ARMH4: variants seen among roughly 807,000 people sequenced by gnomAD.
ARMH4 encodes armadillo-like helical domain-containing protein 4.
Under a neutral mutation model 61.9 loss-of-function variants are expected in ARMH4, and 49 were observed. The observed-to-expected ratio is 0.79, with a 90% CI of 0.63 to 1.00. The LOEUF is 1.00. ARMH4 is among the 50% of genes least tolerant of loss of function. The pLI is 0.00. For synonymous variants in ARMH4, 368 were observed against 341.5 expected, an observed-to-expected ratio of 1.08 and a Z score of -0.85; for missense variants, 934 against 930.0, an observed-to-expected ratio of 1.00 and a Z score of -0.06.
At chr14:58,116,379 TTAAA>T (rs1199174563) in intron 4 of ARMH4, 3 of 376,770 alleles carry the variant, frequency 8.0e-6, no homozygotes, top group Non-Finnish European at 1.7e-5. Flanking sequence ...AGGCAGCTGT[TTAAA>T]TATTTTCTTG....
intron 4 of ARMH4, among the ~76,000 whole-genome samples, chr14:58,105,689 GAA>G (rs1373693311): frequency 9.9e-5 from 9 of 91,254 alleles, no homozygotes; most frequent in African/African-American, 8.0e-5. Context: ...TCCATCTCAA[GAA>G]AAAAAAAAAA....
rs1214173610 is a variant in ARMH4 at position 58,035,983 on chromosome 14, T to G, written c.2090-23833A>C. Among the ~76,000 whole-genome samples the G allele has an allele frequency of 6.2e-5, 8 of 130,034 alleles. 1 individual carries two copies. Among genetic ancestry groups the G allele is most frequent in the African/African-American group, 2.8e-5 (1 of 35,438 alleles). 85.3% of individuals were successfully genotyped at this position (130,034 alleles called of 152,430 possible). A position where few individuals can be genotyped will look rare whatever the true frequency, so the allele number is the denominator to read the frequency against. On this transcript the variant is annotated intron_variant, in intron 5 of 7. Transcript: ENST00000267485. ...TTCTACCAGAGGTACAAGGAGGAAC[T>G]GGTACCATTCCTTCTGAAACTATTC...
chr14:58,141,668 G>C (rs541660698), intron 1 of ARMH4: 2 of 361,782 alleles, frequency 5.5e-6, no homozygotes, highest in Admixed American at 3.9e-5. Flanking sequence ...GTCAAATAAG[G>C]CTCTTCCTTC....
intron 6 of ARMH4, among the ~76,000 whole-genome samples, chr14:58,007,555 T>C (rs2141126852): frequency 6.6e-6 from 1 of 152,320 alleles, no homozygotes; most frequent in Admixed American, 6.5e-5. Context: ...AAATTACAAG[T>C]AAATTACAAG....
chr14:58,041,843 CAAAG>C (rs1566553488), intron 5 of ARMH4, among the ~76,000 whole-genome samples: 1 of 151,948 alleles, frequency 6.6e-6, no homozygotes, highest in African/African-American at 2.4e-5. Flanking sequence ...TCAAAAGAGA[CAAAG>C]AAGGCCATTA....
At chr14:58,095,023 G>T (rs1170354315) in intron 5 of ARMH4, among the ~76,000 whole-genome samples, 1 of 152,142 alleles carries the variant, frequency 6.6e-6, no homozygotes, top group Admixed American at 6.5e-5. Flanking sequence ...TAATACCACA[G>T]CCCAAATGAT....
intron 5 of ARMH4, among the ~76,000 whole-genome samples, chr14:58,064,207 C>G (rs905743076): frequency 6.7e-6 from 1 of 149,960 alleles, no homozygotes; most frequent in Non-Finnish European, 1.5e-5. Context: ...ATTACCCACT[C>G]CCTGAATAGC....
chr14:58,124,227 T>G (rs1031038739), intron 4 of ARMH4, among the ~76,000 whole-genome samples: 3 of 152,190 alleles, frequency 2.0e-5, no homozygotes, highest in Non-Finnish European at 1.5e-5. Flanking sequence ...TTCCAGGCCC[T>G]AAAGAAGGCC....
At chr14:58,050,446 C>A (rs984781248) in intron 5 of ARMH4, among the ~76,000 whole-genome samples, 30 of 152,184 alleles carry the variant, frequency 2.0e-4, no homozygotes, top group African/African-American at 7.2e-4. Context: ...TAGTCAGTGG[C>A]AAACCAATCA....
At chr14:58,074,454 CTTT>C (rs777905376) in intron 5 of ARMH4, among the ~76,000 whole-genome samples, 1 of 139,310 alleles carries the variant, frequency 7.2e-6, no homozygotes, top group African/African-American at 2.6e-5. Context: ...CAACACAGTT[CTTT>C]TTTTTTTTTT....
intron 5 of ARMH4, among the ~76,000 whole-genome samples, chr14:58,071,689 CAA>C (rs1725342363): frequency 6.6e-6 from 1 of 152,064 alleles, no homozygotes; most frequent in African/African-American, 2.4e-5. Flanking sequence ...ATAAAATAAT[CAA>C]GAGTATTTGT....
At chr14:58,038,324 T>C (rs2141176890) in intron 5 of ARMH4, among the ~76,000 whole-genome samples, 1 of 100,414 alleles carries the variant, frequency 1.0e-5, no homozygotes, top group Middle Eastern at 4.0e-3. Flanking sequence ...ACACCGCATA[T>C]TCTCACTCAT....
intron 5 of ARMH4, among the ~76,000 whole-genome samples, chr14:58,026,320 A>G (rs562451250): frequency 3.3e-5 from 5 of 151,968 alleles, no homozygotes; most frequent in East Asian, 1.9e-4. Flanking sequence ...GCCTCCCCCT[A>G]TGCTTGATCA....
chr14:58,149,573 G>A (rs564141951), intron 1 of ARMH4, among the ~76,000 whole-genome samples: 3 of 152,240 alleles, frequency 2.0e-5, no homozygotes, highest in African/African-American at 7.2e-5. Flanking sequence ...CTGAGCCCAG[G>A]AGCTTCAGTC....
At chr14:58,044,864 CTCA>C (rs1465242349) in intron 5 of ARMH4, among the ~76,000 whole-genome samples, 1 of 152,178 alleles carries the variant, frequency 6.6e-6, no homozygotes, top group Non-Finnish European at 1.5e-5. Context: ...TGAAAAAATG[CTCA>C]TCGTCACTGG....
intron 5 of ARMH4, among the ~76,000 whole-genome samples, chr14:58,047,442 T>G (rs1039847836): frequency 1.3e-5 from 2 of 152,232 alleles, no homozygotes; most frequent in Non-Finnish European, 2.9e-5. Flanking sequence ...GCAGACACAC[T>G]GTTCTAAGCC....
intron 5 of ARMH4, among the ~76,000 whole-genome samples, chr14:58,054,172 AAGT>A (rs1884240236): frequency 6.6e-6 from 1 of 152,196 alleles, no homozygotes; most frequent in Non-Finnish European, 1.5e-5. Flanking sequence ...GCTCAGGGTC[AAGT>A]AGAGCACATG....
chr14:58,113,691 G>T lies in ARMH4; in HGVS notation c.1832-16710C>A, dbSNP rs532808257. On this transcript the variant is annotated intron_variant, in intron 4 of 7. Coordinates refer to ENST00000267485, the MANE Select transcript of ARMH4 (RefSeq NM_001001872.4). ...CCATAAAGCTTAGCTTTTCTTTCAT[G>T]TTCTCTCACTTGTCTCTTTGTGCTA... 3.3e-5 allele frequency among the ~76,000 whole-genome samples: 5 copies of T among 151,946 alleles called. No individual in the cohort carries two copies. In the South Asian group the frequency reaches 6.2e-4, roughly 19 times the overall value.
chr14:58,138,295 C>T lies in ARMH4; in HGVS notation c.1064G>A (p.Gly355Glu), dbSNP rs1363456235. The stretch of plus-strand genomic sequence containing the variant: ...TGCAGCCTCTGTCCAAGGCTGGCCT[C>T]CTTCCATACCCTCATGGCTTACTTG... ...TAQVSHEGME[G>E]GQPWTEAAQV... The change falls in exon 2 of 8, where the codon GGA becomes GAA. Residue 355 changes from glycine to glutamate, a missense_variant. Physicochemically the swap from Gly to Glu is moderately conservative, Grantham distance 98. Transcript: ENST00000267485. 1 of 1,614,124 alleles carries T rather than the reference C, an allele frequency of 6.2e-7. No individual in the cohort carries two copies. The highest frequency in any genetic ancestry group is 2.2e-5 in the East Asian group (1 of 44,900).
Sources: gnomAD v4.1 joint callset for allele counts (sites outside exome capture counted in the v4.1 genomes callset) on GRCh38, gnomAD v4.1.1 for gene constraint, MANE v1.5 for transcripts, NCBI Gene and HGNC (gene_info 2026-07-23, HGNC 2026-07-21) for gene names.